Variants in TSPAN11 observed in about 807,000 individuals in gnomAD.
TSPAN11 encodes the protein tetraspanin 11, also known as tetraspanin-11.
A neutral mutation model predicts 32.9 loss-of-function variants in TSPAN11; 29 were observed. That is an observed-to-expected ratio of 0.88 (90% CI 0.66 to 1.20). The LOEUF is 1.20. Among genes scored for constraint, TSPAN11 ranks in the 50% most tolerant of loss-of-function variants. The pLI is 0.00. For synonymous variants in TSPAN11, 140 were observed against 141.3 expected, an observed-to-expected ratio of 0.99 and a Z score of 0.07; for missense variants, 283 against 329.1, an observed-to-expected ratio of 0.86 and a Z score of 1.08.
At chr12:30,927,146 C>T (rs1252076173) in intron 1 of TSPAN11, 1 of 727,284 alleles carries the variant, frequency 1.4e-6, no homozygotes, top group Non-Finnish European at 1.9e-6. Context: ...CATGTCTGTT[C>T]CTCTTGAAAA....
intron 7 of TSPAN11, among the ~76,000 whole-genome samples, chr12:30,983,683 A>G (rs1255597353): frequency 6.6e-6 from 1 of 152,150 alleles, no homozygotes; most frequent in Non-Finnish European, 1.5e-5. Context: ...TAGATGAAAA[A>G]TATTCCAAAA....
At chr12:30,959,223 G>A (rs1205252121) in intron 2 of TSPAN11, among the ~76,000 whole-genome samples, 2 of 152,194 alleles carry the variant, frequency 1.3e-5, no homozygotes, top group African/African-American at 4.8e-5. Flanking sequence ...GACTTTCCCT[G>A]CCCCAAGTGT....
the TSPAN11 span, among the ~76,000 whole-genome samples, chr12:31,003,133 C>G: frequency 6.6e-6 from 1 of 152,208 alleles, no homozygotes; most frequent in African/African-American, 2.4e-5. Flanking sequence ...TGAACTAACT[C>G]TGATGTTGGC....
chr12:30,967,610 C>T (rs1415550369), intron 3 of TSPAN11, among the ~76,000 whole-genome samples: 1 of 143,210 alleles, frequency 7.0e-6, no homozygotes, highest in East Asian at 2.0e-4. Context: ...TAAACAGACA[C>T]ATCAAGGAGG....
chr12:30,942,058 G>A (rs1426792325), intron 1 of TSPAN11, among the ~76,000 whole-genome samples: 3 of 152,222 alleles, frequency 2.0e-5, no homozygotes. Flanking sequence ...GCACTAGCAG[G>A]CCGGTGGGCT....
At chr12:30,962,430 T>C (rs1324343975) in intron 2 of TSPAN11, among the ~76,000 whole-genome samples, 1 of 152,252 alleles carries the variant, frequency 6.6e-6, no homozygotes, top group Non-Finnish European at 1.5e-5. Context: ...CACAGTCTTA[T>C]TCTCTTCAAG....
At chr12:31,015,265 C>T in the TSPAN11 span, among the ~76,000 whole-genome samples, 2 of 152,208 alleles carry the variant, frequency 1.3e-5, no homozygotes, top group Non-Finnish European at 2.9e-5. The surrounding 1 kb of genome is among the most constrained non-coding windows in gnomAD (Gnocchi z 4.9). Context: ...AAAATGCACA[C>T]ACACCGTACC....
intron 1 of TSPAN11, among the ~76,000 whole-genome samples, chr12:30,947,394 A>G (rs1162319848): frequency 6.6e-6 from 1 of 152,062 alleles, no homozygotes; most frequent in Non-Finnish European, 1.5e-5. Flanking sequence ...CCTTCCTTAC[A>G]ACACAAAAGT....
chr12:30,973,243 A>G (rs1938889588), intron 3 of TSPAN11, among the ~76,000 whole-genome samples: 1 of 152,172 alleles, frequency 6.6e-6, no homozygotes, highest in Non-Finnish European at 1.5e-5. Flanking sequence ...GTCCTCATCT[A>G]TAAAGCGAGG....
chr12:30,989,441 T>C (rs1252177440), intron 7 of TSPAN11, among the ~76,000 whole-genome samples: 2 of 151,990 alleles, frequency 1.3e-5, no homozygotes, highest in Non-Finnish European at 2.9e-5. Context: ...AGGATTGGGG[T>C]GTTGGAAGGA....
intron 1 of TSPAN11, among the ~76,000 whole-genome samples, chr12:30,946,384 T>C (rs2140278959): frequency 6.6e-6 from 1 of 152,242 alleles, no homozygotes; most frequent in South Asian, 2.1e-4. Flanking sequence ...ACTCTACTGA[T>C]AGCTGGGAAA....
chr12:30,933,757 A>G (rs1269611212), intron 1 of TSPAN11, among the ~76,000 whole-genome samples: 1 of 152,132 alleles, frequency 6.6e-6, no homozygotes, highest in Non-Finnish European at 1.5e-5. Flanking sequence ...AGTGGAAGGG[A>G]CAGCAGTGTT....
At chr12:30,978,211 G>T (rs1033909084) in intron 3 of TSPAN11, 1 of 246,142 alleles carries the variant, frequency 4.1e-6, no homozygotes, top group Non-Finnish European at 7.9e-6. Flanking sequence ...AGCTTACCCT[G>T]TAGTTGCATT....
chr12:30,981,791 GCT>G (rs1246381711), intron 5 of TSPAN11, among the ~76,000 whole-genome samples: 1 of 152,172 alleles, frequency 6.6e-6, no homozygotes, highest in Admixed American at 6.5e-5. Flanking sequence ...ACTCTTGTTA[GCT>G]GAACTAAACA....
intron 2 of TSPAN11, among the ~76,000 whole-genome samples, chr12:30,957,231 C>G (rs1005731051): frequency 5.8e-5 from 3 of 51,566 alleles, no homozygotes; most frequent in African/African-American, 2.7e-4. Flanking sequence ...GCCTGGGACC[C>G]CCCCCCCCCC....
In TSPAN11 at chr12:30,992,049, TC is replaced by T; in HGVS notation, c.*136del. 1.0e-6 allele frequency: 1 copy of T among 974,902 alleles called. No homozygotes were observed. The highest frequency in any genetic ancestry group is 1.6e-6 in the Non-Finnish European group (1 of 638,026). 60.4% of individuals were successfully genotyped at this position (974,902 alleles called of 1,614,324 possible). A position where few individuals can be genotyped will look rare whatever the true frequency, so the allele number is the denominator to read the frequency against. On this transcript the variant is annotated 3_prime_UTR_variant, in exon 8 of 8. Transcript: ENST00000546076. ...CTCCTTTGTGCCTAGCTCCTGCGAA[TC>T]CACCGAGTGCCTGAGACCATAGCTT...
intron 1 of TSPAN11, among the ~76,000 whole-genome samples, chr12:30,934,097 G>A (rs1398642539): frequency 6.6e-6 from 1 of 152,224 alleles, no homozygotes; most frequent in Admixed American, 6.5e-5. Flanking sequence ...GGCTTTCAGA[G>A]TCATGATTAC....
intron 1 of TSPAN11, among the ~76,000 whole-genome samples, chr12:30,948,140 A>G (rs1378156828): frequency 6.6e-6 from 1 of 152,162 alleles, no homozygotes; most frequent in Non-Finnish European, 1.5e-5. Context: ...GTGGGTTCCC[A>G]TGGTCTTAGG....
At chr12:30,942,702 G>A (rs1400182209) in intron 1 of TSPAN11, among the ~76,000 whole-genome samples, 1 of 147,102 alleles carries the variant, frequency 6.8e-6, no homozygotes, top group East Asian at 2.0e-4. Flanking sequence ...GACATGGAAT[G>A]CAATTTGTTA....
Sources: allele counts gnomAD v4.1 joint callset (sites outside exome capture counted in the v4.1 genomes callset), GRCh38; gene constraint gnomAD v4.1.1; non-coding constraint Gnocchi (gnomAD v3.1); transcripts MANE v1.5; gene names NCBI Gene and HGNC (gene_info 2026-07-23, HGNC 2026-07-21).